The following EPB41L4B variants were observed in gnomAD, a reference collection of about 807,000 sequenced individuals.
EPB41L4B encodes erythrocyte membrane protein band 4.1 like 4B, also known as band 4.1-like protein 4B.
EPB41L4B carries 30 observed loss-of-function variants against 112.5 expected under a neutral mutation model. The ratio of observed to expected loss-of-function variants is 0.27; its 90% CI spans 0.20 to 0.36. The LOEUF (loss-of-function observed/expected upper bound fraction) is 0.36, where lower values mean the gene tolerates loss of function less well. Ranked by LOEUF, EPB41L4B falls within the 10% of genes least tolerant of loss-of-function variation. The probability of loss-of-function intolerance (pLI) is 1.00; values close to 1 mark genes in which losing one functional copy is unlikely to be tolerated. For missense variants in EPB41L4B, 1,024 were observed against 1,133.3 expected, an observed-to-expected ratio of 0.90 and a Z score of 1.38; for synonymous variants, 408 against 439.7, an observed-to-expected ratio of 0.93 and a Z score of 0.90.
intron 23 of EPB41L4B, among the ~76,000 whole-genome samples, chr9:109,184,479 A>AGGTTC (rs1832182186): frequency 6.6e-6 from 1 of 152,228 alleles, no homozygotes; most frequent in South Asian, 2.1e-4. Context: ...TCAGCCTCCC[A>AGGTTC]AAGTGCTGGG....
intron 20 of EPB41L4B, among the ~76,000 whole-genome samples, chr9:109,199,882 A>G (rs1005150141): frequency 2.0e-5 from 3 of 152,146 alleles, no homozygotes; most frequent in Non-Finnish European, 4.4e-5. Flanking sequence ...CCTGCAGATG[A>G]GACCGCAGCC....
chr9:109,255,177 G>A (rs978421585), intron 11 of EPB41L4B, among the ~76,000 whole-genome samples: 5 of 152,184 alleles, frequency 3.3e-5, no homozygotes, highest in Admixed American at 1.3e-4. Context: ...CTTCTTGGCC[G>A]CTTGAAATAT....
chr9:109,193,006 A>G (rs1832514779), intron 21 of EPB41L4B, among the ~76,000 whole-genome samples: 1 of 152,082 alleles, frequency 6.6e-6, no homozygotes, highest in Non-Finnish European at 1.5e-5. Flanking sequence ...CTGTTTCGTA[A>G]ATGTTTCGTT....
intron 16 of EPB41L4B, among the ~76,000 whole-genome samples, chr9:109,214,198 G>C (rs192812047): frequency 6.6e-6 from 1 of 152,150 alleles, no homozygotes; most frequent in African/African-American, 2.4e-5. Flanking sequence ...TTAGTGTTCA[G>C]GCAAACAGGC....
At chr9:109,302,114 G>A (rs577625586) in intron 1 of EPB41L4B, among the ~76,000 whole-genome samples, 1 of 152,194 alleles carries the variant, frequency 6.6e-6, no homozygotes, top group Admixed American at 6.5e-5. Flanking sequence ...GTAAAAGCAT[G>A]TAAAAACCAT....
At chr9:109,277,937 G>A (rs1835898805) in intron 2 of EPB41L4B, among the ~76,000 whole-genome samples, 1 of 152,172 alleles carries the variant, frequency 6.6e-6, no homozygotes, top group African/African-American at 2.4e-5. Context: ...GAATCTATGT[G>A]GGTCTTGTCA....
intron 11 of EPB41L4B, 59 bp downstream of exon 11, chr9:109,255,452 G>C: frequency 6.3e-7 from 1 of 1,589,918 alleles, no homozygotes; most frequent in South Asian, 1.1e-5. Flanking sequence ...ATACAAGAAA[G>C]AAATCACAGT....
chr9:109,314,415 C>A (rs563911688), intron 1 of EPB41L4B, among the ~76,000 whole-genome samples: 2 of 152,256 alleles, frequency 1.3e-5, no homozygotes, highest in East Asian at 1.9e-4. Context: ...AGATTATGCA[C>A]GTGAAAGTGC....
chr9:109,262,910 G>A (rs919716481), intron 6 of EPB41L4B, 140 bp downstream of exon 6: 5 of 589,858 alleles, frequency 8.5e-6, no homozygotes, highest in East Asian at 3.1e-5. Context: ...TGGACTGCAC[G>A]CCACTTGGGG....
intron 2 of EPB41L4B, among the ~76,000 whole-genome samples, chr9:109,271,598 C>T (rs761647313): frequency 2.0e-4 from 31 of 152,198 alleles, no homozygotes; most frequent in Non-Finnish European, 3.5e-4. Flanking sequence ...CCCAACATGG[C>T]ATTTAGTAAA....
intron 15 of EPB41L4B, chr9:109,241,240 T>G: frequency 2.0e-6 from 2 of 988,062 alleles, no homozygotes; most frequent in Non-Finnish European, 2.4e-6. Flanking sequence ...GAAGGGGAAA[T>G]GACTCGTCCA....
chr9:109,227,726 C>T (rs141879419), intron 15 of EPB41L4B, among the ~76,000 whole-genome samples: 2,771 of 152,084 alleles, frequency 0.018, 85 homozygotes, highest in African/African-American at 0.064. Flanking sequence ...GGACTACAGG[C>T]GTGCATCACC....
intron 24 of EPB41L4B, among the ~76,000 whole-genome samples, chr9:109,181,329 A>T (rs1417746850): frequency 6.6e-6 from 1 of 152,138 alleles, no homozygotes; most frequent in Non-Finnish European, 1.5e-5. Flanking sequence ...CTGCCCAGTG[A>T]CACCCAGAGA....
intron 15 of EPB41L4B, chr9:109,239,849 C>T (rs562643858): frequency 4.2e-4 from 411 of 985,446 alleles, no homozygotes; most frequent in Non-Finnish European, 4.7e-4. Flanking sequence ...AGGACAAACA[C>T]GTACCTTTAC....
intron 2 of EPB41L4B, among the ~76,000 whole-genome samples, chr9:109,277,392 G>A (rs890461006): frequency 3.3e-5 from 5 of 151,290 alleles, no homozygotes; most frequent in African/African-American, 9.7e-5. Flanking sequence ...TTAGCTGAAC[G>A]ACCTCGGTCT....
intron 6 of EPB41L4B, among the ~76,000 whole-genome samples, chr9:109,259,262 AGG>A (rs201962187): frequency 6.6e-6 from 1 of 151,852 alleles, no homozygotes; most frequent in Non-Finnish European, 1.5e-5. Flanking sequence ...AAAATCACTG[AGG>A]TATAATAGTG....
At chr9:109,283,578 C>G (rs973674793) in intron 1 of EPB41L4B, among the ~76,000 whole-genome samples, 7 of 151,800 alleles carry the variant, frequency 4.6e-5, no homozygotes, top group African/African-American at 1.7e-4. Flanking sequence ...AAGATAATTA[C>G]GAAGATGAGA....
chr9:109,187,347 A>G (rs937880282), intron 22 of EPB41L4B, among the ~76,000 whole-genome samples: 4 of 152,168 alleles, frequency 2.6e-5, no homozygotes, highest in Non-Finnish European at 5.9e-5. Flanking sequence ...TACAACTATT[A>G]TCTCACAATG....
chr9:109,263,497 C>CA (rs1835289995), intron 5 of EPB41L4B, among the ~76,000 whole-genome samples: 1 of 152,178 alleles, frequency 6.6e-6, no homozygotes, highest in Non-Finnish European at 1.5e-5. Flanking sequence ...TTTCTTGAAA[C>CA]AAGGTCATAG....
Sources: allele counts gnomAD v4.1 joint callset (sites outside exome capture counted in the v4.1 genomes callset), GRCh38; gene constraint gnomAD v4.1.1; transcripts MANE v1.5; gene names NCBI Gene and HGNC (gene_info 2026-07-23, HGNC 2026-07-21).